EIF3A: variants seen among roughly 807,000 people sequenced by gnomAD.
The protein encoded by EIF3A is EIF3, p180 subunit.
EIF3A carries 21 observed loss-of-function variants against 186.6 expected under a neutral mutation model. That is an observed-to-expected ratio of 0.11 (90% CI 0.08 to 0.16). The LOEUF is 0.16. Among genes scored for constraint, EIF3A ranks in the 10% least tolerant of loss-of-function variants. The pLI is 1.00. For missense variants in EIF3A, 1,306 were observed against 1,796.3 expected (o/e 0.73, Z 4.93); for synonymous variants, 563 against 584.3 (o/e 0.96, Z 0.52).
chr10:119,070,563 T>G (rs202002720), intron 5 of EIF3A, among the ~76,000 whole-genome samples: 1 of 39,818 alleles, frequency 2.5e-5, no homozygotes, highest in Non-Finnish European at 7.8e-5. Flanking sequence ...TCTATACTTA[T>G]TTCATCACAG....
chr10:119,064,540 T>A (rs189090567), intron 7 of EIF3A, among the ~76,000 whole-genome samples: 7 of 152,304 alleles, frequency 4.6e-5, no homozygotes, highest in South Asian at 2.1e-4. Flanking sequence ...GTCTTCCTCC[T>A]GCTCCAGCCG....
chr10:119,061,548 G>A (rs908221326), intron 7 of EIF3A, among the ~76,000 whole-genome samples: 1 of 151,890 alleles, frequency 6.6e-6, no homozygotes, highest in Non-Finnish European at 1.5e-5. Flanking sequence ...AGCCCCACAA[G>A]TATGTAAAAA....
In EIF3A at chr10:119,059,044, GATTTGTGT is replaced by G. The variant is rs1418044396; in HGVS notation, c.1629+160_1629+167del. Among the ~76,000 whole-genome samples, 8 of 152,308 alleles carry G rather than the reference GATTTGTGT, an allele frequency of 5.3e-5. No homozygotes were observed. In the South Asian group the frequency reaches 1.4e-3, roughly 28 times the overall value. On this transcript the variant is annotated intron_variant, in intron 11 of 21. Coordinates refer to ENST00000369144, the MANE Select transcript of EIF3A (RefSeq NM_003750.4). Reference sequence around the variant, plus strand: ...TTTGTTCAATGGAAGAAAGCTCAATGATTTGTGTATTTGATCAAATAACAAAACTACCA... The same window carrying G: ...TTTGTTCAATGGAAGAAAGCTCAATGATTTGATCAAATAACAAAACTACCA...
Position 119,051,315 on chromosome 10 carries a change from T to C in EIF3A, c.2203A>G (p.Thr735Ala), listed in dbSNP as rs577953155. ...WEQQEEERITTMQLEREKALE... is the reference protein window; with the variant it reads ...WEQQEEERITAMQLEREKALE... Reference sequence around the variant, plus strand: ...GCCTTTTCACGTTCTAGCTGCATTGTAGTAATCTGCAAGTACAAATATTGT... The same window carrying C: ...GCCTTTTCACGTTCTAGCTGCATTGCAGTAATCTGCAAGTACAAATATTGT... Residue 735 changes from threonine (T) to alanine (A), a missense_variant, in exon 15 of 22, where the codon ACA becomes GCA. This residue lies in a region of EIF3A where 410 missense variants were observed against 473.5 expected (regional missense o/e 0.87). Coordinates refer to ENST00000369144, the MANE Select transcript of EIF3A (RefSeq NM_003750.4). The C allele has an allele frequency of 3.5e-5, 56 of 1,586,518 alleles. No individual in the cohort carries two copies. The East Asian group carries it at 4.6e-4, about 13-fold the overall frequency.
intron 4 of EIF3A, among the ~76,000 whole-genome samples, chr10:119,072,227 G>GAAA (rs1844087207): frequency 1.0e-5 from 1 of 97,404 alleles, no homozygotes; most frequent in Non-Finnish European, 2.0e-5. Context: ...AAAAAAAGTA[G>GAAA]AGAACTCAAG....
intron 6 of EIF3A, among the ~76,000 whole-genome samples, chr10:119,067,840 T>C (rs1844005436): frequency 6.6e-6 from 1 of 152,138 alleles, no homozygotes; most frequent in African/African-American, 2.4e-5. Context: ...AGATGGAGTC[T>C]TGCTCTATCG....
At position 119,038,272 on chromosome 10, in the gene EIF3A, C is replaced by G. The variant is rs1848163155; in HGVS notation, c.3694G>C (p.Asp1232His). The change falls in exon 20 of 22, where the codon GAT (aspartate) becomes CAT (histidine). Residue 1232 changes from aspartate to histidine, a missense_variant. Asp to His is a moderately conservative substitution (Grantham distance 81, BLOSUM62 -1). Coordinates refer to ENST00000369144, the MANE Select transcript of EIF3A (RefSeq NM_003750.4). ...CTGAAGCGATCCTCTCGATCCACAT[C>G]TCTCTCTCTGTCCCTTTCTCTCTCA... ...DPERERDRER[D>H]VDREDRFRRP... 2 of 1,612,952 alleles carry G rather than the reference C, an allele frequency of 1.2e-6. No individual in the cohort carries two copies. Among genetic ancestry groups the G allele is most frequent in the Non-Finnish European group, 1.7e-6 (2 of 1,179,062 alleles).
intron 1 of EIF3A, among the ~76,000 whole-genome samples, chr10:119,075,869 C>T (rs1450936846): frequency 7.3e-6 from 1 of 136,974 alleles, no homozygotes; most frequent in East Asian, 2.2e-4. Context: ...CTCGCCACCA[C>T]GCCTGGCTAA....
chr10:119,071,857 C>T (rs33998841), intron 4 of EIF3A, among the ~76,000 whole-genome samples: 1 of 151,636 alleles, frequency 6.6e-6, no homozygotes, highest in Non-Finnish European at 1.5e-5. Flanking sequence ...AACCCCATCT[C>T]TACTAAAAAT....
chr10:119,039,306 A>G, intron 19 of EIF3A, among the ~76,000 whole-genome samples: 1 of 152,178 alleles, frequency 6.6e-6, no homozygotes, highest in African/African-American at 2.4e-5. Context: ...CATTTTATAT[A>G]CAGTACATAT....
intron 5 of EIF3A, among the ~76,000 whole-genome samples, chr10:119,070,685 T>C (rs1038882206): frequency 6.6e-6 from 1 of 152,216 alleles, no homozygotes; most frequent in African/African-American, 2.4e-5. Flanking sequence ...TATGGTTTGG[T>C]CCAGAATTCA....
At chr10:119,038,168 A>T (rs185718082) in intron 20 of EIF3A, 70 bp downstream of exon 20, 5 of 1,383,552 alleles carry the variant, frequency 3.6e-6, no homozygotes, top group Non-Finnish European at 5.0e-6. Context: ...CCGCCCTCCC[A>T]AAGTGCTGGG....
At chr10:119,062,362 GTCACTC>G (rs1843902227) in intron 7 of EIF3A, among the ~76,000 whole-genome samples, 1 of 152,170 alleles carries the variant, frequency 6.6e-6, no homozygotes, top group African/African-American at 2.4e-5. Flanking sequence ...CGATTTAAAA[GTCACTC>G]TTAGGAATGT....
Position 119,059,391 on chromosome 10 carries a change from T to G in EIF3A, c.1450A>C (p.Ile484Leu). The G allele has an allele frequency of 1.3e-6, 2 of 1,561,072 alleles. No homozygotes were observed. The highest frequency in any genetic ancestry group is 1.7e-6 in the Non-Finnish European group (2 of 1,155,410). Residue 484 changes from isoleucine to leucine, a missense_variant, in exon 11 of 22, where the codon ATT becomes CTT. Ile to Leu is a conservative substitution (Grantham distance 5). Transcript: ENST00000369144. ...AARHCDLQVR[I>L]DHTSRTLSFG... is the part of the protein sequence containing the mutation. ...CTCAGGGTCCGAGAAGTGTGATCAA[T>G]ACGAACCTTTGAAAATTAAATTATC... is the stretch of plus-strand genomic sequence containing the variant.
intron 14 of EIF3A, among the ~76,000 whole-genome samples, 186 bp downstream of exon 14, chr10:119,056,554 C>T (rs1038895227): frequency 4.6e-5 from 7 of 152,108 alleles, no homozygotes; most frequent in African/African-American, 1.7e-4. Context: ...CCTTTGTTTT[C>T]CAAGTTTCGT....
chr10:119,075,658 A>ATATG (rs1414961241), intron 1 of EIF3A, among the ~76,000 whole-genome samples: 5 of 141,094 alleles, frequency 3.5e-5, no homozygotes, highest in Admixed American at 7.2e-5. Flanking sequence ...ATACATATAT[A>ATATG]TATATATATC....
intron 14 of EIF3A, among the ~76,000 whole-genome samples, chr10:119,055,529 A>T (rs1392906905): frequency 6.6e-6 from 1 of 152,176 alleles, no homozygotes; most frequent in South Asian, 2.1e-4. Flanking sequence ...ATGCAAGGTT[A>T]CCACAAACTT....
Position 119,074,303 on chromosome 10 carries a change from A to T in EIF3A, c.50-366T>A, listed in dbSNP as rs979635384. ...CAATACGGTGAAACCCATCCCTACCAAAAATACAAAAATTAGCCAGGCGTG... is the reference window on the plus strand; with the variant it reads ...CAATACGGTGAAACCCATCCCTACCTAAAATACAAAAATTAGCCAGGCGTG... On this transcript the variant is annotated intron_variant, in intron 1 of 21. Coordinates refer to ENST00000369144, the MANE Select transcript of EIF3A (RefSeq NM_003750.4). Among the ~76,000 whole-genome samples, 5 of 152,138 alleles carry T rather than the reference A, an allele frequency of 3.3e-5. No individual in the cohort carries two copies. In the South Asian group the frequency reaches 8.3e-4, roughly 25 times the overall value.
chr10:119,045,610 G>A (rs1848272222), intron 17 of EIF3A, among the ~76,000 whole-genome samples: 1 of 152,206 alleles, frequency 6.6e-6, no homozygotes, highest in South Asian at 2.1e-4. Flanking sequence ...GACTTTTGAA[G>A]GATGGCTCTT....
Sources: gnomAD v4.1 joint callset for allele counts (sites outside exome capture counted in the v4.1 genomes callset) on GRCh38, gnomAD v4.1.1 for gene constraint, gnomAD v4.1.1 regional missense constraint, MANE v1.5 for transcripts, NCBI Gene and HGNC (gene_info 2026-07-23, HGNC 2026-07-21) for gene names.